Variants in EDIL3 observed in about 807,000 individuals in gnomAD.
EDIL3 encodes EGF-like repeat and discoidin I-like domain-containing protein 3.
A neutral mutation model predicts 67.4 loss-of-function variants in EDIL3; 37 were observed. The observed-to-expected ratio is 0.55, with a 90% CI of 0.42 to 0.72. The LOEUF is 0.72. EDIL3 is among the 30% of genes least tolerant of loss of function. EDIL3 has a pLI of 0.00. For missense variants in EDIL3, 527 were observed against 586.3 expected, an observed-to-expected ratio of 0.90 and a Z score of 1.04; for synonymous variants, 195 against 196.3, an observed-to-expected ratio of 0.99 and a Z score of 0.05.
At chr5:83,984,739 AG>A (rs1348748477) in intron 9 of EDIL3, among the ~76,000 whole-genome samples, 3 of 152,016 alleles carry the variant, frequency 2.0e-5, no homozygotes, top group Non-Finnish European at 4.4e-5. Context: ...CCAAGATCTG[AG>A]GGTCCCGAAA....
At chr5:84,220,748 T>C (rs1256958858) in intron 3 of EDIL3, among the ~76,000 whole-genome samples, 5 of 152,178 alleles carry the variant, frequency 3.3e-5, no homozygotes, top group Admixed American at 1.3e-4. Flanking sequence ...ACAGTCTTGA[T>C]TGGCTGAGTT....
chr5:84,364,719 G>A (rs1394584747), intron 1 of EDIL3, among the ~76,000 whole-genome samples: 1 of 151,816 alleles, frequency 6.6e-6, no homozygotes, highest in Non-Finnish European at 1.5e-5. Flanking sequence ...ATATATACAT[G>A]ATAAATCTCA....
At chr5:84,330,855 A>T (rs10072019) in intron 1 of EDIL3, among the ~76,000 whole-genome samples, 1 of 151,918 alleles carries the variant, frequency 6.6e-6, no homozygotes, top group African/African-American at 2.4e-5. Flanking sequence ...AAATTAGGAA[A>T]GGGTTGGCAC....
rs191558325 is a variant in EDIL3, at chr5:84,251,008, T to A, written c.196+3076A>T. ...TACCCACATGTGTTTTTTGTTTGTT[T>A]GTTTTTTAAATTCCAATACACTCTG... On this transcript the variant is annotated intron_variant, in intron 2 of 10. Transcript: ENST00000296591. Among the ~76,000 whole-genome samples the A allele has an allele frequency of 5.9e-5, 9 of 152,344 alleles. No homozygotes were observed. In the East Asian group the frequency reaches 1.7e-3, roughly 29 times the overall value.
intron 3 of EDIL3, among the ~76,000 whole-genome samples, chr5:84,215,421 T>G (rs922295234): frequency 6.6e-6 from 1 of 152,046 alleles, no homozygotes; most frequent in Non-Finnish European, 1.5e-5. Flanking sequence ...ACCTGGCTAA[T>G]TTTTTGTATT....
At chr5:84,218,208 G>C (rs960454491) in intron 3 of EDIL3, among the ~76,000 whole-genome samples, 47 of 152,206 alleles carry the variant, frequency 3.1e-4, no homozygotes, top group Admixed American at 1.2e-3. Flanking sequence ...ATAAAATTTT[G>C]TGTTTTGGCT....
chr5:84,120,015 T>TA (rs1183459809), intron 5 of EDIL3, among the ~76,000 whole-genome samples: 2 of 152,016 alleles, frequency 1.3e-5, no homozygotes, highest in Non-Finnish European at 2.9e-5. Flanking sequence ...TGCCCCTTGG[T>TA]ACCCAGCCAA....
intron 9 of EDIL3, among the ~76,000 whole-genome samples, chr5:83,989,486 C>G (rs1354240073): frequency 6.6e-6 from 1 of 152,194 alleles, no homozygotes; most frequent in Non-Finnish European, 1.5e-5. Flanking sequence ...TGCTCCTTAT[C>G]TCCTGGGAAG....
rs939527183 is a variant in EDIL3 at position 84,106,637 on chromosome 5, C to T, written c.651+12G>A. 6 of 1,590,980 alleles carry T rather than the reference C, an allele frequency of 3.8e-6. No individual in the cohort carries two copies. In the African/African-American group the frequency reaches 8.2e-5, roughly 22 times the overall value. ...ACTTATAACATTAACCTTGTCCCAT[C>T]CCATCTGTTACCTGAATCCACGGCC... is the stretch of plus-strand genomic sequence containing the variant. On this transcript the variant is annotated intron_variant, in intron 6 of 10. Coordinates refer to ENST00000296591, the MANE Select transcript of EDIL3 (RefSeq NM_005711.5).
At chr5:84,008,805 G>GC (rs1561401376) in intron 9 of EDIL3, among the ~76,000 whole-genome samples, 6 of 152,018 alleles carry the variant, frequency 3.9e-5, no homozygotes, top group Non-Finnish European at 7.4e-5. Flanking sequence ...TTTTTGTTTT[G>GC]TTTTGTTTTG....
rs1744639964 is a variant in EDIL3 at position 83,963,451 on chromosome 5, A to ATC, written c.1138-93_1138-92dup. ...ATGTCAAGAGAATAAAACTATATATATCCTAAAATCAAAAATCTGTCTAGT... is the reference window on the plus strand; with the variant it reads ...ATGTCAAGAGAATAAAACTATATATATCTCCTAAAATCAAAAATCTGTCTAGT... On this transcript the variant is annotated intron_variant, in intron 9 of 10. Coordinates refer to ENST00000296591, the MANE Select transcript of EDIL3 (RefSeq NM_005711.5). The ATC allele has an allele frequency of 2.3e-6, 3 of 1,325,168 alleles. No individual in the cohort carries two copies. The South Asian group carries it at 5.0e-5, about 22-fold the overall frequency. 82.1% of individuals were successfully genotyped at this position (1,325,168 alleles called of 1,614,324 possible). A position where few individuals can be genotyped will look rare whatever the true frequency, so the allele number is the denominator to read the frequency against.
At chr5:84,029,116 G>T (rs1322514568) in intron 9 of EDIL3, among the ~76,000 whole-genome samples, 1 of 152,170 alleles carries the variant, frequency 6.6e-6, no homozygotes, top group East Asian at 1.9e-4. Flanking sequence ...AATTAGCCAG[G>T]TGTGGTGGCA....
chr5:84,214,961 C>G (rs980736347), intron 3 of EDIL3, among the ~76,000 whole-genome samples: 1 of 152,152 alleles, frequency 6.6e-6, no homozygotes. Context: ...TTCAGGCAAT[C>G]TGCCCACCGT....
chr5:84,204,419 T>G (rs1459536561), intron 3 of EDIL3, among the ~76,000 whole-genome samples: 1 of 152,198 alleles, frequency 6.6e-6, no homozygotes, highest in Admixed American at 6.5e-5. Context: ...AAAATAAAAC[T>G]GAATTTCTGC....
At chr5:84,023,671 A>G (rs1745757589) in intron 9 of EDIL3, among the ~76,000 whole-genome samples, 1 of 152,044 alleles carries the variant, frequency 6.6e-6, no homozygotes, top group Non-Finnish European at 1.5e-5. Context: ...GGCTACTCAG[A>G]TTGCATTGAA....
intron 4 of EDIL3, among the ~76,000 whole-genome samples, chr5:84,139,874 A>G (rs1331019335): frequency 6.6e-6 from 1 of 152,134 alleles, no homozygotes; most frequent in African/African-American, 2.4e-5. Context: ...ATGAATCACA[A>G]CTTTGAAGAA....
chr5:84,247,282 T>TA (rs978641176), intron 2 of EDIL3, among the ~76,000 whole-genome samples: 25 of 152,180 alleles, frequency 1.6e-4, no homozygotes, highest in African/African-American at 5.8e-4. Flanking sequence ...ATTTACCAAA[T>TA]CCCTCATTTG....
intron 4 of EDIL3, among the ~76,000 whole-genome samples, chr5:84,138,537 A>G (rs903823033): frequency 2.4e-4 from 36 of 152,216 alleles, no homozygotes; most frequent in South Asian, 2.1e-4. Flanking sequence ...ACCCTATAAC[A>G]TATCAAATGA....
At chr5:84,268,481 G>C (rs1223617483) in intron 1 of EDIL3, among the ~76,000 whole-genome samples, 1 of 152,124 alleles carries the variant, frequency 6.6e-6, no homozygotes, top group East Asian at 1.9e-4. Flanking sequence ...AAGGATTTCA[G>C]ACATAGATAT....
Sources: gnomAD v4.1 joint callset for allele counts (sites outside exome capture counted in the v4.1 genomes callset) on GRCh38, gnomAD v4.1.1 for gene constraint, MANE v1.5 for transcripts, NCBI Gene and HGNC (gene_info 2026-07-23, HGNC 2026-07-21) for gene names.